Variants in ZMYM1 observed in about 807,000 individuals in gnomAD.
ZMYM1 encodes the protein zinc finger MYM-type protein 1.
In ZMYM1, 39 loss-of-function variants were observed where a neutral mutation model predicts 60.0. The observed-to-expected ratio is 0.65, with a 90% CI of 0.50 to 0.85. The LOEUF is 0.85. Ranked by LOEUF, ZMYM1 falls within the 40% of genes least tolerant of loss-of-function variation. The pLI, the probability that ZMYM1 is intolerant of heterozygous loss-of-function variation, is 0.00. For synonymous variants in ZMYM1, 413 were observed against 454.0 expected, an observed-to-expected ratio of 0.91 and a Z score of 1.15; for missense variants, 1,171 against 1,309.5, an observed-to-expected ratio of 0.89 and a Z score of 1.63.
intron 4 of ZMYM1, among the ~76,000 whole-genome samples, chr1:35,100,757 A>G (rs776527428): frequency 1.3e-5 from 2 of 152,036 alleles, no homozygotes; most frequent in Non-Finnish European, 2.9e-5. Context: ...AGGCCCCTGC[A>G]CTAAGGTTTG....
In ZMYM1 at chr1:35,089,080, G is replaced by A. The variant is rs868482713; in HGVS notation, c.-74-4834G>A. On this transcript the variant is annotated intron_variant, in intron 1 of 9. Coordinates refer to ENST00000359858, the MANE Select transcript of ZMYM1 (RefSeq NM_024772.5). Reference sequence around the variant, plus strand: ...ACCCACCTCAGCCTCCCAGAGCGCAGGGATTTCAGGCATGAGCCACTGCGC... The same window carrying A: ...ACCCACCTCAGCCTCCCAGAGCGCAAGGATTTCAGGCATGAGCCACTGCGC... 2.0e-5 allele frequency among the ~76,000 whole-genome samples: 3 copies of A among 152,062 alleles called. No individual in the cohort carries two copies. In the South Asian group the frequency reaches 6.2e-4, roughly 32 times the overall value.
intron 1 of ZMYM1, among the ~76,000 whole-genome samples, chr1:35,073,089 A>G (rs1433176684): frequency 1.3e-5 from 2 of 151,328 alleles, no homozygotes; most frequent in East Asian, 3.9e-4. Flanking sequence ...CTCGAAAAAA[A>G]AAATACAAAA....
chr1:35,068,603 C>T (rs1031831000), intron 1 of ZMYM1, among the ~76,000 whole-genome samples: 1 of 146,396 alleles, frequency 6.8e-6, no homozygotes, highest in African/African-American at 2.5e-5. Flanking sequence ...GCAGACTTTT[C>T]AACATATGGT....
chr1:35,065,739 A>T (rs1451573622), intron 1 of ZMYM1, among the ~76,000 whole-genome samples: 1 of 151,986 alleles, frequency 6.6e-6, no homozygotes, highest in Non-Finnish European at 1.5e-5. Flanking sequence ...AATAGGGAAA[A>T]CTGATAAAAC....
chr1:35,073,238 G>A (rs112982572), intron 1 of ZMYM1, among the ~76,000 whole-genome samples: 1,847 of 98,652 alleles, frequency 0.019, 52 homozygotes, highest in African/African-American at 0.068. Context: ...GGGTAACAGA[G>A]CAACACTCTG....
In ZMYM1 at chr1:35,112,033, C is replaced by T. The variant is rs1644105391; in HGVS notation, c.1103-54C>T. ...AAATAAGCAAATATAGTTTATGATG[C>T]TATTTTATAGGTTATAGTATATAAG... On this transcript the variant is annotated intron_variant, in intron 8 of 9. Transcript: ENST00000359858. 9 of 1,568,498 alleles carry T rather than the reference C, an allele frequency of 5.7e-6. No homozygotes were observed. In the East Asian group the frequency reaches 1.6e-4, roughly 28 times the overall value.
chr1:35,076,344 G>A (rs12082758), upstream of ZMYM1, among the ~76,000 whole-genome samples: 18,904 of 152,162 alleles, frequency 0.12, 3,771 homozygotes, highest in African/African-American at 0.42. Flanking sequence ...ATTTCTGGCC[G>A]GATGTGGTGG....
chr1:35,100,065 A>G (rs1250761258), intron 4 of ZMYM1, among the ~76,000 whole-genome samples: 1 of 151,134 alleles, frequency 6.6e-6, no homozygotes, highest in East Asian at 2.0e-4. Context: ...TAGTTTTTTT[A>G]TTTTCAGTAG....
intron 1 of ZMYM1, among the ~76,000 whole-genome samples, chr1:35,088,454 A>ATATATATATATATATATATATATATG (rs1464546786): frequency 9.3e-6 from 1 of 107,284 alleles, no homozygotes; most frequent in Non-Finnish European, 1.7e-5. Flanking sequence ...ATATATATAT[A>ATATATATATATATATATATATATATG]TGTGTGTGTG....
chr1:35,112,052 A>G (rs1644106324), intron 8 of ZMYM1, 35 bp from the exon 9 acceptor site: 5 of 1,605,852 alleles, frequency 3.1e-6, no homozygotes, highest in African/African-American at 1.3e-5. Context: ...AGGTTATAGT[A>G]TATAAGATCT....
chr1:35,088,505 TAC>T (rs1188802804), intron 1 of ZMYM1, among the ~76,000 whole-genome samples: 10 of 121,958 alleles, frequency 8.2e-5, no homozygotes, highest in South Asian at 2.8e-4. Flanking sequence ...TGTGTGTATG[TAC>T]ATATATGTAT....
intron 9 of ZMYM1, among the ~76,000 whole-genome samples, chr1:35,112,433 C>T (rs1248054687): frequency 6.7e-6 from 1 of 149,582 alleles, no homozygotes; most frequent in East Asian, 1.9e-4. Context: ...CCACCTTGGC[C>T]TCCCAAAGTG....
chr1:35,060,132 T>C (rs1255563585), intron 1 of ZMYM1, among the ~76,000 whole-genome samples: 1 of 146,802 alleles, frequency 6.8e-6, no homozygotes, highest in Non-Finnish European at 1.5e-5. Flanking sequence ...ATGGGGGAAA[T>C]ACTATTTGTT....
At chr1:35,092,323 C>T (rs889092083) in intron 1 of ZMYM1, among the ~76,000 whole-genome samples, 1 of 151,946 alleles carries the variant, frequency 6.6e-6, no homozygotes, top group African/African-American at 2.4e-5. Context: ...GCCTCCGCCT[C>T]CTGGGTTGAA....
chr1:35,087,008 T>TTTTTTTTTTG (rs1157480784), intron 1 of ZMYM1, among the ~76,000 whole-genome samples: 1 of 142,970 alleles, frequency 7.0e-6, no homozygotes. Flanking sequence ...TTTTTTTTTT[T>TTTTTTTTTTG]GAGATGGAGT....
upstream of ZMYM1, among the ~76,000 whole-genome samples, chr1:35,075,363 C>G (rs113444995): frequency 0.013 from 1,991 of 152,002 alleles, 53 homozygotes; most frequent in African/African-American, 0.045. Context: ...CAGAGTTTCA[C>G]TCTTATTGCC....
intron 1 of ZMYM1, among the ~76,000 whole-genome samples, chr1:35,080,256 C>T (rs1642306509): frequency 6.6e-6 from 1 of 151,714 alleles, no homozygotes; most frequent in South Asian, 2.1e-4. Context: ...CACTCTTGCA[C>T]TTGTACTTTA....
chr1:35,104,664 C>G lies in ZMYM1; in HGVS notation c.702C>G (p.Asn234Lys), dbSNP rs1159949532. ...ACTTCATCATGAACTGCTGTGAGAACTGTGGCACTTACTGTTACACCAGCT... is the reference window on the plus strand; with the variant it reads ...ACTTCATCATGAACTGCTGTGAGAAGTGTGGCACTTACTGTTACACCAGCT... ...ANNFIMNCCE[N>K]CGTYCYTSSS... The change falls in exon 6 of 10, where the codon AAC becomes AAG. Residue 234 changes from asparagine (N) to lysine (K), a missense_variant. Physicochemically the swap from Asn to Lys is moderately conservative, Grantham distance 94 (BLOSUM62 0). Coordinates refer to ENST00000359858, the MANE Select transcript of ZMYM1 (RefSeq NM_024772.5). 1.2e-6 allele frequency: 2 copies of G among 1,614,158 alleles called. No individual in the cohort carries two copies.
In ZMYM1 at chr1:35,097,373, A is replaced by G; in HGVS notation, c.226A>G (p.Met76Val). 1 of 1,614,064 alleles carries G rather than the reference A, an allele frequency of 6.2e-7. No homozygotes were observed. The stretch of plus-strand genomic sequence containing the variant: ...TCTGGCATCATCTGGCGTGAATAAA[A>G]TGCTTCCTTCAGTTTCAACCACAGC... ...LSLASSGVNK[M>V]LPSVSTTAIQ... Residue 76 changes from methionine to valine, a missense_variant, in exon 4 of 10, where the codon ATG becomes GTG. Met to Val is a conservative substitution (Grantham distance 21). Coordinates refer to ENST00000359858, the MANE Select transcript of ZMYM1 (RefSeq NM_024772.5).
Sources: gnomAD v4.1 joint callset for allele counts (sites outside exome capture counted in the v4.1 genomes callset) on GRCh38, gnomAD v4.1.1 for gene constraint, MANE v1.5 for transcripts, NCBI Gene and HGNC (gene_info 2026-07-23, HGNC 2026-07-21) for gene names.